SEMA4D: variants seen among roughly 807,000 people sequenced by gnomAD.
SEMA4D encodes the protein semaphorin 4D, also known as semaphorin-4D.
A neutral mutation model predicts 74.8 loss-of-function variants in SEMA4D; 22 were observed. That is an observed-to-expected ratio of 0.29 (90% CI 0.21 to 0.42). SEMA4D has a LOEUF of 0.42. Ranked by LOEUF, SEMA4D falls within the 10% of genes least tolerant of loss-of-function variation. The pLI is 1.00. For missense variants in SEMA4D, 937 were observed against 1,118.4 expected (o/e 0.84, Z 2.31); for synonymous variants, 445 against 463.7 (o/e 0.96, Z 0.52).
intron 2 of SEMA4D, among the ~76,000 whole-genome samples, chr9:89,440,203 C>T (rs1391529587): frequency 6.6e-6 from 1 of 152,162 alleles, no homozygotes; most frequent in Non-Finnish European, 1.5e-5. Context: ...GTGCTGGCTC[C>T]TCTGCCCCAC....
In SEMA4D at chr9:89,402,866, C is replaced by T. The variant is rs1378080728; in HGVS notation, c.252+5G>A. The T allele has an allele frequency of 8.1e-6, 13 of 1,612,722 alleles. No homozygotes were observed. The East Asian group carries it at 1.3e-4, about 17-fold the overall frequency. On this transcript the variant is annotated splice_donor_5th_base_variant and intron_variant, in intron 4 of 15. Transcript: ENST00000422704. ...TGTGGACATGCAGGGGAGCCCAGGA[C>T]GTACCTCATGCTGCTTCTCGGAGAT...
chr9:89,399,991 A>C (rs1841821389), intron 4 of SEMA4D, among the ~76,000 whole-genome samples: 1 of 126,218 alleles, frequency 7.9e-6, no homozygotes, highest in Admixed American at 9.0e-5. Context: ...TGGGCAACAG[A>C]GTAAGACTCC....
chr9:89,397,152 G>A (rs1236721617), intron 5 of SEMA4D, among the ~76,000 whole-genome samples: 3 of 152,330 alleles, frequency 2.0e-5, no homozygotes, highest in South Asian at 2.1e-4. Flanking sequence ...ATGCTGTTCA[G>A]GTGCCAAACA....
intron 17 of SEMA4D, chr9:89,363,551 G>C (rs754837161): frequency 1.2e-6 from 2 of 1,613,372 alleles, no homozygotes; most frequent in Non-Finnish European, 8.5e-7. Context: ...AGGGTCCCCA[G>C]GTCAAAGCTC....
chr9:89,381,571 C>T lies in SEMA4D; in HGVS notation c.1447-225G>A, dbSNP rs567190210. Reference sequence around the variant, plus strand: ...GCTCACTGGGCCTTAGGTCCAAATCCCTCTCTCCCCTGTCTGGGCACCCAC... The same window carrying T: ...GCTCACTGGGCCTTAGGTCCAAATCTCTCTCTCCCCTGTCTGGGCACCCAC... On this transcript the variant is annotated intron_variant, in intron 13 of 15. Transcript: ENST00000422704. This position sits in a 1 kb window ranked among gnomAD's most constrained non-coding sequence, Gnocchi z 4.6. 41 of 426,868 alleles carry T rather than the reference C, an allele frequency of 9.6e-5. 2 individuals are homozygous for T. In the East Asian group the frequency reaches 1.0e-3, roughly 11 times the overall value. 26.4% of individuals were successfully genotyped at this position (426,868 alleles called of 1,614,324 possible).
chr9:89,489,709 A>T (rs895884372), intron 1 of SEMA4D, among the ~76,000 whole-genome samples: 1 of 152,250 alleles, frequency 6.6e-6, no homozygotes, highest in Admixed American at 6.5e-5. Flanking sequence ...GCTGAATCAT[A>T]GGCCATGTAT....
chr9:89,362,269 C>T, exon 19 of SEMA4D: 2 of 1,500,734 alleles, frequency 1.3e-6, no homozygotes, highest in Middle Eastern at 2.1e-4. Context: ...GGCCCAATGG[C>T]TGTGTTCAGA....
At chr9:89,451,581 G>T (rs1215993445) in intron 2 of SEMA4D, among the ~76,000 whole-genome samples, 1 of 152,236 alleles carries the variant, frequency 6.6e-6, no homozygotes, top group African/African-American at 2.4e-5. Flanking sequence ...ACTGACTGAA[G>T]ATAAAACTCC....
chr9:89,459,619 C>T (rs1856777155), intron 1 of SEMA4D, among the ~76,000 whole-genome samples: 1 of 152,172 alleles, frequency 6.6e-6, no homozygotes, highest in African/African-American at 2.4e-5. Flanking sequence ...CTCTTCCCTG[C>T]AGCTGTCCCT....
At chr9:89,415,174 T>C (rs1430721855) in intron 2 of SEMA4D, among the ~76,000 whole-genome samples, 1 of 151,836 alleles carries the variant, frequency 6.6e-6, no homozygotes, top group Non-Finnish European at 1.5e-5. Flanking sequence ...GACAATACTG[T>C]CTTTTCTGGA....
At chr9:89,490,880 A>C (rs1825571498) in intron 1 of SEMA4D, among the ~76,000 whole-genome samples, 1 of 152,216 alleles carries the variant, frequency 6.6e-6, no homozygotes, top group Non-Finnish European at 1.5e-5. Flanking sequence ...TCTCAGGGCC[A>C]TATGGTCTCT....
rs571352443 is a variant in SEMA4D, at chr9:89,383,398, C to T, written c.1447-2052G>A. On this transcript the variant is annotated intron_variant, in intron 13 of 15. Coordinates refer to ENST00000422704, the MANE Select transcript of SEMA4D (RefSeq NM_001371194.2). ...ATACAGATGCCCCATCCCCAGAAAG[C>T]GCCCTCTTTGGTGCTCCCCCTAAAA... Among the ~76,000 whole-genome samples, 6 of 152,304 alleles carry T rather than the reference C, an allele frequency of 3.9e-5. No homozygotes were observed. In the South Asian group the frequency reaches 1.0e-3, roughly 26 times the overall value.
intron 1 of SEMA4D, among the ~76,000 whole-genome samples, chr9:89,467,525 C>A (rs943266881): frequency 6.8e-6 from 1 of 146,430 alleles, no homozygotes; most frequent in Non-Finnish European, 1.5e-5. Context: ...CACCTGGGAG[C>A]GCATGATTTT....
chr9:89,450,856 A>C lies in SEMA4D; in HGVS notation c.-244+5032T>G, dbSNP rs1449346212. 5.5e-6 allele frequency: 3 copies of C among 544,164 alleles called. No homozygotes were observed. In the East Asian group the frequency reaches 8.7e-5, roughly 16 times the overall value. The allele number at this position is 544,164 out of a possible 1,614,324, so 33.7% of individuals were successfully genotyped here. ...TTCTTCTCCACCTAGGACTGCCAGCAGAGTGGGGGTGTCCCTGCCGCCACC... is the reference window on the plus strand; with the variant it reads ...TTCTTCTCCACCTAGGACTGCCAGCCGAGTGGGGGTGTCCCTGCCGCCACC... On this transcript the variant is annotated intron_variant, in intron 2 of 15. Coordinates refer to ENST00000422704, the MANE Select transcript of SEMA4D (RefSeq NM_001371194.2).
chr9:89,417,109 C>T (rs1845887245), intron 2 of SEMA4D, among the ~76,000 whole-genome samples: 1 of 152,074 alleles, frequency 6.6e-6, no homozygotes, highest in Admixed American at 6.6e-5. Flanking sequence ...CTTTCAATTA[C>T]CTTATAACTA....
chr9:89,425,492 G>A (rs1258651572), intron 2 of SEMA4D, among the ~76,000 whole-genome samples: 1 of 152,242 alleles, frequency 6.6e-6, no homozygotes, highest in Non-Finnish European at 1.5e-5. Context: ...ACGTGGCCCT[G>A]ACATCTGGGA....
At chr9:89,399,191 AC>A in intron 5 of SEMA4D, 84 bp downstream of exon 5, 1 of 1,173,876 alleles carries the variant, frequency 8.5e-7, no homozygotes, top group Non-Finnish European at 1.3e-6. Context: ...GCTGGCCTGC[AC>A]TGCAGGCATG....
chr9:89,419,825 G>C (rs1210162907), intron 2 of SEMA4D, among the ~76,000 whole-genome samples: 1 of 152,114 alleles, frequency 6.6e-6, no homozygotes, highest in Non-Finnish European at 1.5e-5. Context: ...GCTGAGGCAG[G>C]AGAATCGCTT....
At chr9:89,476,247 G>A (rs1328090501) in intron 1 of SEMA4D, among the ~76,000 whole-genome samples, 2 of 151,878 alleles carry the variant, frequency 1.3e-5, no homozygotes. Flanking sequence ...CCTTGAGCAA[G>A]CTCACACACC....
Sources: gnomAD v4.1 joint callset for allele counts (sites outside exome capture counted in the v4.1 genomes callset) on GRCh38, gnomAD v4.1.1 for gene constraint, Gnocchi (gnomAD v3.1) non-coding constraint, MANE v1.5 for transcripts, NCBI Gene and HGNC (gene_info 2026-07-23, HGNC 2026-07-21) for gene names.